Variants in ZNF568 observed in about 807,000 individuals in gnomAD.
The protein encoded by ZNF568 is p53 inhibitor of SCO2 activation.
A neutral mutation model predicts 18.1 loss-of-function variants in ZNF568; 11 were observed. The observed-to-expected ratio is 0.61, with a 90% confidence interval of 0.38 to 1.00. The LOEUF is 1.00. Among genes scored for constraint, ZNF568 ranks in the 50% least tolerant of loss-of-function variants. ZNF568 has a pLI of 0.01. For missense variants in ZNF568, 639 were observed against 768.2 expected (o/e 0.83, Z 1.99); for synonymous variants, 213 against 246.6 (o/e 0.86, Z 1.28).
intron 7 of ZNF568, chr19:36,974,495 A>C (rs1330982615): frequency 6.5e-7 from 1 of 1,533,838 alleles, no homozygotes; most frequent in African/African-American, 1.4e-5. Flanking sequence ...TTTCTTGGAA[A>C]GGACTTACTG....
intron 6 of ZNF568, among the ~76,000 whole-genome samples, chr19:36,967,850 C>T (rs1212318894): frequency 6.6e-6 from 1 of 152,130 alleles, no homozygotes; most frequent in Non-Finnish European, 1.5e-5. Flanking sequence ...ATCATAATGT[C>T]CACAGTAAAG....
intron 6 of ZNF568, among the ~76,000 whole-genome samples, chr19:36,944,613 G>A (rs1168854910): frequency 1.3e-5 from 2 of 151,986 alleles, no homozygotes; most frequent in East Asian, 3.9e-4. Context: ...CTTGTGTGTT[G>A]GGGGACGTTT....
At chr19:36,938,471 A>G (rs1268356714) in intron 6 of ZNF568, among the ~76,000 whole-genome samples, 1 of 152,210 alleles carries the variant, frequency 6.6e-6, no homozygotes, top group Non-Finnish European at 1.5e-5. Flanking sequence ...AACTACATTT[A>G]TAGTAGTAAG....
intron 6 of ZNF568, among the ~76,000 whole-genome samples, chr19:36,968,827 A>G (rs2146329288): frequency 6.6e-6 from 1 of 151,144 alleles, no homozygotes; most frequent in South Asian, 2.1e-4. Context: ...ATTGTTGACA[A>G]TTTGTGAATC....
At chr19:36,995,227 G>A (rs2146352721) in intron 4 of ZNF568, among the ~76,000 whole-genome samples, 1 of 152,026 alleles carries the variant, frequency 6.6e-6, no homozygotes, top group African/African-American at 2.4e-5. Flanking sequence ...GCGAAACCCT[G>A]TATCTATTAA....
At position 36,963,313 on chromosome 19, in the gene ZNF568, T is replaced by A. The variant is rs1288726917; in HGVS notation, c.359-11107T>A. Among the ~76,000 whole-genome samples, 3 of 152,208 alleles carry A rather than the reference T, an allele frequency of 2.0e-5. No individual in the cohort carries two copies. The East Asian group carries it at 5.8e-4, about 29-fold the overall frequency. ...CAATTCAGTCTCAGTAGCTTCATTT[T>A]TCTTAGCTTGATAAATGATGGAAAT... On this transcript the variant is annotated intron_variant, in intron 6 of 7. Coordinates refer to the ZNF568 transcript ENST00000427117.
intron 7 of ZNF568, among the ~76,000 whole-genome samples, chr19:36,978,849 C>T (rs2074306418): frequency 6.6e-6 from 1 of 152,164 alleles, no homozygotes; most frequent in Non-Finnish European, 1.5e-5. Flanking sequence ...ATTTATCCCT[C>T]ACCACCCCTT....
intron 6 of ZNF568, among the ~76,000 whole-genome samples, chr19:36,944,994 T>G (rs1261814797): frequency 2.6e-5 from 4 of 152,142 alleles, no homozygotes; most frequent in Non-Finnish European, 5.9e-5. Context: ...TTTTTTTCTA[T>G]TTTTAGGGAT....
exon 5 of ZNF568, chr19:36,996,815 C>G (rs2073821067): frequency 2.6e-6 from 4 of 1,550,248 alleles, no homozygotes; most frequent in Non-Finnish European, 3.5e-6. Context: ...TGTGGGAAAG[C>G]CTTTCGTTCC....
At chr19:36,942,462 G>T (rs1420791374) in intron 6 of ZNF568, among the ~76,000 whole-genome samples, 1 of 151,610 alleles carries the variant, frequency 6.6e-6, no homozygotes, top group Non-Finnish European at 1.5e-5. Flanking sequence ...AGCCAGGCGT[G>T]GTGGCGGGTG....
At chr19:36,991,219 A>T (rs1403397150) in exon 3 of ZNF568, 11 of 1,536,274 alleles carry the variant, frequency 7.2e-6, no homozygotes, top group Admixed American at 2.0e-5. Context: ...TCTCAAAAGG[A>T]GTGGGAATGC....
intron 4 of ZNF568, among the ~76,000 whole-genome samples, chr19:36,992,743 A>C (rs2074437178): frequency 6.6e-6 from 1 of 152,218 alleles, no homozygotes; most frequent in Non-Finnish European, 1.5e-5. Context: ...CCATCACAAC[A>C]GTCTAATTGT....
chr19:36,997,894 C>A (rs2074493829), downstream of ZNF568: 2 of 341,206 alleles, frequency 5.9e-6, no homozygotes, highest in Non-Finnish European at 1.1e-5. Flanking sequence ...AAATTGAAGA[C>A]CTCCATGAAT....
In ZNF568 at chr19:36,922,761, C is replaced by T; in HGVS notation, c.-10C>T. ...TCTTGACCCTTCTGCCCAGAGCAGG[C>T]AGGGTCTGAATGACATCTCAATCTT... On this transcript the variant is annotated 5_prime_UTR_variant, in exon 3 of 7. Coordinates refer to ENST00000333987, the MANE Select transcript of ZNF568 (RefSeq NM_198539.4). 6.2e-7 allele frequency: 1 copy of T among 1,613,236 alleles called. No homozygotes were observed. The highest frequency in any genetic ancestry group is 8.5e-7 in the Non-Finnish European group (1 of 1,179,390).
At chr19:36,927,886 ATTATATATATATATATATTTTTTTTTTT>A (rs2073596513) in intron 4 of ZNF568, among the ~76,000 whole-genome samples, 56 of 48,172 alleles carry the variant, frequency 1.2e-3, no homozygotes, top group African/African-American at 5.6e-3. Context: ...ATATATATAT[ATTATATATATATATATATTTTTTTTTTT>A]TTTTTTTTTT....
intron 4 of ZNF568, chr19:36,991,933 T>A (rs2074428354): frequency 1.8e-6 from 2 of 1,085,656 alleles, no homozygotes; most frequent in Non-Finnish European, 1.3e-6. Context: ...GGGATTTTGG[T>A]AGGAAAGCTG....
chr19:36,961,880 GTTT>G (rs11403152), intron 6 of ZNF568, among the ~76,000 whole-genome samples: 1 of 135,056 alleles, frequency 7.4e-6, no homozygotes. Flanking sequence ...TGGTTAGGGT[GTTT>G]TTTTTTTTTT....
intron 6 of ZNF568, among the ~76,000 whole-genome samples, chr19:36,944,799 T>A (rs2073935992): frequency 6.6e-6 from 1 of 152,144 alleles, no homozygotes; most frequent in Non-Finnish European, 1.5e-5. Context: ...AATTTCAAAT[T>A]AACAGTAATG....
intron 4 of ZNF568, among the ~76,000 whole-genome samples, chr19:36,929,443 T>C (rs1007444442): frequency 6.6e-6 from 1 of 152,012 alleles, no homozygotes; most frequent in Non-Finnish European, 1.5e-5. Context: ...CCCAGCACTT[T>C]GGGAGGCTGA....
Sources: gnomAD v4.1 joint callset for allele counts (sites outside exome capture counted in the v4.1 genomes callset) on GRCh38, gnomAD v4.1.1 for gene constraint, MANE v1.5 for transcripts, NCBI Gene and HGNC (gene_info 2026-07-23, HGNC 2026-07-21) for gene names.